Variants in DDI2 observed in about 807,000 individuals in gnomAD.
DDI2 encodes the protein DDI proteasomal shuttling factor 2, also known as protein DDI1 homolog 2.
Under a neutral mutation model 48.1 loss-of-function variants are expected in DDI2, and 5 were observed. The ratio of observed to expected loss-of-function variants is 0.10; its 90% confidence interval spans 0.05 to 0.22. The LOEUF is 0.22. Ranked by LOEUF, DDI2 falls within the 10% of genes least tolerant of loss-of-function variation. The pLI is 1.00. For synonymous variants in DDI2, 205 were observed against 183.6 expected (o/e 1.12, Z -0.94); for missense variants, 285 against 506.2 (o/e 0.56, Z 4.19).
chr1:15,649,338 G>A (rs1640143034), intron 6 of DDI2, among the ~76,000 whole-genome samples: 1 of 151,722 alleles, frequency 6.6e-6, no homozygotes, highest in African/African-American at 2.4e-5. Context: ...CTCCAGCCTG[G>A]GCAACAGAGC....
Position 15,660,267 on chromosome 1 carries a change from A to T in DDI2, c.*477A>T. On this transcript the variant is annotated 3_prime_UTR_variant, in exon 10 of 10. Transcript: ENST00000480945. ...TCCATACAAGACAGGAAGCTAGTTTATCTGTCACATCTACTAGGATGCATG... is the reference window on the plus strand; with the variant it reads ...TCCATACAAGACAGGAAGCTAGTTTTTCTGTCACATCTACTAGGATGCATG... 1 of 1,614,212 alleles carries T rather than the reference A, an allele frequency of 6.2e-7. No homozygotes were observed. The highest frequency in any genetic ancestry group is 2.2e-5 in the East Asian group (1 of 44,892).
Position 15,666,764 on chromosome 1 carries a change from T to C in DDI2, c.*6974T>C, listed in dbSNP as rs910851159. On this transcript the variant is annotated 3_prime_UTR_variant, in exon 10 of 10. Coordinates refer to ENST00000480945, the MANE Select transcript of DDI2 (RefSeq NM_032341.5). Reference sequence around the variant, plus strand: ...TCTAGAAGGGAGACGTGAAACAAATTTTAGCTTCAAAAGCAACATCTATTT... The same window carrying C: ...TCTAGAAGGGAGACGTGAAACAAATCTTAGCTTCAAAAGCAACATCTATTT... 1 of 152,176 alleles carries C rather than the reference T, an allele frequency of 6.6e-6. No individual in the cohort carries two copies. The highest frequency in any genetic ancestry group is 2.1e-4 in the South Asian group (1 of 4,828). 9.4% of individuals were successfully genotyped at this position (152,176 alleles called of 1,614,324 possible).
rs1308967030 is a variant in DDI2 at position 15,617,825 on chromosome 1, GCCGGGCC to G, written c.138+18_138+24del. 1 of 1,574,946 alleles carries G rather than the reference GCCGGGCC, an allele frequency of 6.3e-7. No individual in the cohort carries two copies. Among genetic ancestry groups the G allele is most frequent in the Admixed American group, 1.7e-5 (1 of 57,622 alleles). Reference sequence around the variant, plus strand: ...GAGAGCCAGGTACGCCGGGCAGCGAGCCGGGCCTGCCCCGGAGCTAAGCCCTCCCCGC... The same window carrying G: ...GAGAGCCAGGTACGCCGGGCAGCGAGTGCCCCGGAGCTAAGCCCTCCCCGC... On this transcript the variant is annotated intron_variant, in intron 1 of 9. Coordinates refer to ENST00000480945, the MANE Select transcript of DDI2 (RefSeq NM_032341.5).
chr1:15,660,633 A>G lies in DDI2; in HGVS notation c.*843A>G, dbSNP rs144997370. ...CATTTATGGAAATCGATACAGCTCAACAGTCCCTAGTTACTTTGCTTAATT... is the reference window on the plus strand; with the variant it reads ...CATTTATGGAAATCGATACAGCTCAGCAGTCCCTAGTTACTTTGCTTAATT... On this transcript the variant is annotated 3_prime_UTR_variant, in exon 10 of 10. Transcript: ENST00000480945. 5 of 1,614,108 alleles carry G rather than the reference A, an allele frequency of 3.1e-6. No homozygotes were observed. Among genetic ancestry groups the G allele is most frequent in the South Asian group, 1.1e-5 (1 of 91,088 alleles).
intron 2 of DDI2, among the ~76,000 whole-genome samples, chr1:15,628,345 C>T (rs1451554775): frequency 6.6e-6 from 1 of 152,156 alleles, no homozygotes; most frequent in East Asian, 1.9e-4. Context: ...GCTAGTTGAA[C>T]CCCTGCTAAA....
chr1:15,649,915 C>A, intron 7 of DDI2, 92 bp downstream of exon 7: 1 of 1,272,288 alleles, frequency 7.9e-7, no homozygotes, highest in Non-Finnish European at 1.1e-6. Context: ...TACTGGAAAA[C>A]TAAGAAATAA....
rs764807686 is a variant in DDI2, at chr1:15,661,022, T to C, written c.*1232T>C. On this transcript the variant is annotated 3_prime_UTR_variant, in exon 10 of 10. Transcript: ENST00000480945. ...GAAGTAATCTGTCAATCAGAAACCA[T>C]AGCTGAGGGCCAAACCAGTATTAAA... The C allele has an allele frequency of 1.9e-6, 3 of 1,614,124 alleles. No homozygotes were observed. Among genetic ancestry groups the C allele is most frequent in the Non-Finnish European group, 2.5e-6 (3 of 1,180,008 alleles).
rs978011594 is a variant in DDI2, at chr1:15,664,052, CA to C, written c.*4265del. On this transcript the variant is annotated 3_prime_UTR_variant, in exon 10 of 10. Coordinates refer to ENST00000480945, the MANE Select transcript of DDI2 (RefSeq NM_032341.5). ...CTCTGAATGAGCTTAACCCACTTGC[CA>C]AATATCCTTGTCCCTTCCATCATTT... The C allele has an allele frequency of 6.6e-6, 1 of 152,094 alleles. No homozygotes were observed. The highest frequency in any genetic ancestry group is 2.4e-5 in the African/African-American group (1 of 41,408). 9.4% of individuals were successfully genotyped at this position (152,094 alleles called of 1,614,324 possible). A position where few individuals can be genotyped will look rare whatever the true frequency, so the allele number is the denominator to read the frequency against.
In DDI2 at chr1:15,651,695, T is replaced by A. The variant is rs1277084291; in HGVS notation, c.994-11T>A. The A allele has an allele frequency of 6.3e-7, 1 of 1,589,886 alleles. No individual in the cohort carries two copies. The highest frequency in any genetic ancestry group is 8.5e-7 in the Non-Finnish European group (1 of 1,170,676). ...TTATCTGCTATTATTCTTTGGTTTC[T>A]TTCTTCCAAGTGTTCCATCGACCTG... On this transcript the variant is annotated splice_polypyrimidine_tract_variant and intron_variant, in intron 7 of 9. Coordinates refer to ENST00000480945, the MANE Select transcript of DDI2 (RefSeq NM_032341.5).
chr1:15,658,904 CTAAA>C, intron 9 of DDI2, among the ~76,000 whole-genome samples: 1 of 152,304 alleles, frequency 6.6e-6, no homozygotes, highest in African/African-American at 2.4e-5. Flanking sequence ...AGCAGTGAAT[CTAAA>C]TAGTCATTGC....
At chr1:15,644,480 A>T (rs1640055138) in intron 6 of DDI2, among the ~76,000 whole-genome samples, 1 of 150,216 alleles carries the variant, frequency 6.7e-6, no homozygotes, top group South Asian at 2.1e-4. Context: ...ATTTCGAGGC[A>T]TTGCCCCTTA....
chr1:15,661,617 TG>T lies in DDI2; in HGVS notation c.*1829del, dbSNP rs1276054032. ...CAGATATTGACCGCATTCTCCGTGCTGGCTTTACTTTGCAGGAAGCTCTTGG... is the reference window on the plus strand; with the variant it reads ...CAGATATTGACCGCATTCTCCGTGCTGCTTTACTTTGCAGGAAGCTCTTGG... On this transcript the variant is annotated 3_prime_UTR_variant, in exon 10 of 10. Transcript: ENST00000480945. 13 of 1,614,012 alleles carry T rather than the reference TG, an allele frequency of 8.1e-6. No individual in the cohort carries two copies. The highest frequency in any genetic ancestry group is 1.1e-5 in the Non-Finnish European group (13 of 1,180,036).
chr1:15,655,152 T>C (rs1476010365), intron 8 of DDI2, among the ~76,000 whole-genome samples: 3 of 152,198 alleles, frequency 2.0e-5, no homozygotes, highest in Non-Finnish European at 2.9e-5. Context: ...TAAAAAGAAA[T>C]GGCTTTTTAC....
At chr1:15,622,857 G>A (rs1639689927) in intron 1 of DDI2, among the ~76,000 whole-genome samples, 1 of 152,140 alleles carries the variant, frequency 6.6e-6, no homozygotes, top group Admixed American at 6.5e-5. Flanking sequence ...AGCTTTAGTT[G>A]ATCTCATTTA....
rs909430458 is a variant in DDI2 at position 15,664,205 on chromosome 1, CT to C, written c.*4417del. ...AATTGCTTTTGATTTTTAAAATCTT[CT>C]TGCCCATCATTTTTATAAAAATAAA... is the stretch of plus-strand genomic sequence containing the variant. On this transcript the variant is annotated 3_prime_UTR_variant, in exon 10 of 10. Transcript: ENST00000480945. 6.6e-6 allele frequency: 1 copy of C among 152,068 alleles called. No individual in the cohort carries two copies. Among genetic ancestry groups the C allele is most frequent in the Non-Finnish European group, 1.5e-5 (1 of 68,008 alleles). The allele number at this position is 152,068 out of a possible 1,614,324, so 9.4% of individuals were successfully genotyped here.
chr1:15,660,957 G>C lies in DDI2; in HGVS notation c.*1167G>C. 1.2e-6 allele frequency: 2 copies of C among 1,613,306 alleles called. No individual in the cohort carries two copies. The highest frequency in any genetic ancestry group is 1.7e-6 in the Non-Finnish European group (2 of 1,179,762). ...CCTTGAAAGAACTTCATGAACTTTT[G>C]GTTGTTAGCAGTAAACCAGCTTCAG... On this transcript the variant is annotated 3_prime_UTR_variant, in exon 10 of 10. Transcript: ENST00000480945.
chr1:15,650,207 C>G (rs1474845185), intron 7 of DDI2, among the ~76,000 whole-genome samples: 1 of 152,108 alleles, frequency 6.6e-6, no homozygotes, highest in African/African-American at 2.4e-5. Context: ...GGGAAGAAGA[C>G]CTTCAAGGTT....
At chr1:15,623,060 A>T (rs984937386) in intron 1 of DDI2, among the ~76,000 whole-genome samples, 1 of 152,164 alleles carries the variant, frequency 6.6e-6, no homozygotes, top group Non-Finnish European at 1.5e-5. Flanking sequence ...GCCTTCCTTT[A>T]AAAAATGCTA....
chr1:15,633,310 T>C (rs1320965230), intron 3 of DDI2, 129 bp from the exon 4 acceptor site: 2 of 1,051,966 alleles, frequency 1.9e-6, no homozygotes, highest in Non-Finnish European at 2.7e-6. Flanking sequence ...TTGCTCATTT[T>C]AAATAAGCTT....
Sources: allele counts gnomAD v4.1 joint callset (sites outside exome capture counted in the v4.1 genomes callset), GRCh38; gene constraint gnomAD v4.1.1; transcripts MANE v1.5; gene names NCBI Gene and HGNC (gene_info 2026-07-23, HGNC 2026-07-21).